SETBP1: variants seen among roughly 807,000 people sequenced by gnomAD.
SETBP1 encodes the protein SET binding protein 1.
SETBP1 carries 9 observed loss-of-function variants against 101.0 expected under a neutral mutation model. The observed-to-expected ratio is 0.09, with a 90% CI of 0.05 to 0.16. SETBP1 has a LOEUF of 0.16. Among genes scored for constraint, SETBP1 ranks in the 10% least tolerant of loss-of-function variants. SETBP1 has a pLI of 1.00. For missense variants in SETBP1, 1,858 were observed against 2,033.8 expected (o/e 0.91, Z 1.66); for synonymous variants, 818 against 788.5 (o/e 1.04, Z -0.63).
intron 2 of SETBP1, among the ~76,000 whole-genome samples, chr18:44,835,793 C>A (rs1246084271): frequency 6.6e-6 from 1 of 152,232 alleles, no homozygotes; most frequent in East Asian, 1.9e-4. Context: ...GCAACCTGTT[C>A]TCTGTACCTA....
chr18:44,756,326 T>G (rs950287910), intron 2 of SETBP1, among the ~76,000 whole-genome samples: 1 of 152,212 alleles, frequency 6.6e-6, no homozygotes, highest in Non-Finnish European at 1.5e-5. Context: ...ATGTGAGAAG[T>G]GCTATGCGGT....
intron 3 of SETBP1, among the ~76,000 whole-genome samples, chr18:44,931,168 C>T (rs1599338228): frequency 6.6e-6 from 1 of 152,310 alleles, no homozygotes; most frequent in Admixed American, 6.5e-5. Flanking sequence ...CAAAGAACAT[C>T]TTTATTTCTG....
Position 45,063,124 on chromosome 18 carries a change from C to A in SETBP1, c.4217C>A (p.Ala1406Asp), listed in dbSNP as rs1289886869. 4.3e-6 allele frequency: 7 copies of A among 1,613,898 alleles called. No homozygotes were observed. The South Asian group carries it at 7.7e-5, about 18-fold the overall frequency. Residue 1406 changes from alanine (A) to aspartate (D), a missense_variant, in exon 6 of 6, where the codon GCC becomes GAC. This residue lies in a region of SETBP1 where 417 missense variants were observed against 389.1 expected (regional missense o/e 1.07). Coordinates refer to ENST00000649279, the MANE Select transcript of SETBP1 (RefSeq NM_015559.3). The stretch of plus-strand genomic sequence containing the variant: ...AGGTTCAAGCGGCGGGAGATCGAAG[C>A]CATCCAGTGCGAAGTGCGGAAGATG... Reference protein sequence around the residue: ...KKRFKRREIEAIQCEVRKMCN... With the variant: ...KKRFKRREIEDIQCEVRKMCN...
At chr18:44,727,389 A>G (rs1389668325) in intron 2 of SETBP1, among the ~76,000 whole-genome samples, 2 of 152,140 alleles carry the variant, frequency 1.3e-5, no homozygotes, top group Admixed American at 6.5e-5. Context: ...CTGAATGCCT[A>G]TCTTCCTGTG....
intron 2 of SETBP1, among the ~76,000 whole-genome samples, chr18:44,729,412 GA>G (rs2069786229): frequency 6.6e-6 from 1 of 152,202 alleles, no homozygotes; most frequent in South Asian, 2.1e-4. Context: ...CATCAGAAGG[GA>G]ATTGATATAA....
At chr18:44,869,453 C>G in intron 3 of SETBP1, 170 bp downstream of exon 3, 1 of 695,842 alleles carries the variant, frequency 1.4e-6, no homozygotes, top group Admixed American at 2.0e-5. Context: ...TCCAGCTCCT[C>G]TCATTCTAGC....
intron 4 of SETBP1, among the ~76,000 whole-genome samples, chr18:44,982,845 T>C (rs1214194488): frequency 6.6e-6 from 1 of 152,226 alleles, no homozygotes; most frequent in Non-Finnish European, 1.5e-5. Context: ...GTTTCAGTAC[T>C]AGTTTGCTCT....
intron 5 of SETBP1, among the ~76,000 whole-genome samples, chr18:45,054,810 T>C (rs116311371): frequency 2.9e-4 from 44 of 152,284 alleles, no homozygotes; most frequent in African/African-American, 1.1e-3. Context: ...GTCTAACCCG[T>C]GGGCCCATGA....
chr18:44,689,367 G>A lies in SETBP1; in HGVS notation c.-173+8346G>A, dbSNP rs528703789. On this transcript the variant is annotated intron_variant, in intron 1 of 5. Transcript: ENST00000649279. Reference sequence around the variant, plus strand: ...CCCATAGCAGACACCTTTGTGGTCCGAGGTCTTCTGTCCACAGTGAGAAGG... The same window carrying A: ...CCCATAGCAGACACCTTTGTGGTCCAAGGTCTTCTGTCCACAGTGAGAAGG... Among the ~76,000 whole-genome samples, 116 of 152,318 alleles carry A rather than the reference G, an allele frequency of 7.6e-4. 1 individual carries two copies. The highest frequency in any genetic ancestry group is 2.7e-3 in the African/African-American group (111 of 41,566).
chr18:44,845,521 T>G (rs918051947), intron 2 of SETBP1, among the ~76,000 whole-genome samples: 2 of 152,232 alleles, frequency 1.3e-5, no homozygotes, highest in African/African-American at 4.8e-5. Context: ...ATTAATTTCC[T>G]TGTTGGTTTG....
chr18:45,032,979 G>A (rs538245395), intron 4 of SETBP1, among the ~76,000 whole-genome samples: 2 of 152,190 alleles, frequency 1.3e-5, no homozygotes, highest in South Asian at 2.1e-4. Context: ...TTTGACCAGT[G>A]CCATATTTAA....
chr18:44,973,338 C>CT (rs987972336), intron 4 of SETBP1, among the ~76,000 whole-genome samples: 44 of 152,126 alleles, frequency 2.9e-4, no homozygotes, highest in South Asian at 6.2e-4. Flanking sequence ...CTAAAATTCT[C>CT]TTTTTTTTGT....
At chr18:44,957,759 G>A (rs576564653) in intron 4 of SETBP1, among the ~76,000 whole-genome samples, 17 of 152,278 alleles carry the variant, frequency 1.1e-4, no homozygotes, top group African/African-American at 4.1e-4. Context: ...TAGCCACGTG[G>A]ATGAAATGTC....
At chr18:44,857,932 A>T (rs915678636) in intron 2 of SETBP1, among the ~76,000 whole-genome samples, 1 of 152,182 alleles carries the variant, frequency 6.6e-6, no homozygotes, top group East Asian at 1.9e-4. Flanking sequence ...AATCATGGAG[A>T]TTATTTTTAG....
chr18:44,969,830 T>G (rs756473943), intron 4 of SETBP1, among the ~76,000 whole-genome samples: 11 of 152,182 alleles, frequency 7.2e-5, no homozygotes, highest in Non-Finnish European at 1.3e-4. Context: ...TGTGTATAGC[T>G]GACCTCCTCA....
At position 44,831,914 on chromosome 18, in the gene SETBP1, G is replaced by T. The variant is rs16978187; in HGVS notation, c.487-37316G>T. 4.9e-3 allele frequency among the ~76,000 whole-genome samples: 747 copies of T among 152,272 alleles called. 6 individuals are homozygous for T. Among genetic ancestry groups the T allele is most frequent in the African/African-American group, 0.017 (694 of 41,548 alleles). ...CCTTGACCTTCTGTGGGACTGAGTT[G>T]TGTTTATCCTGCTGTGTTTTCACTC... On this transcript the variant is annotated intron_variant, in intron 2 of 5. Coordinates refer to ENST00000649279, the MANE Select transcript of SETBP1 (RefSeq NM_015559.3).
chr18:44,862,119 G>A (rs578104734), intron 2 of SETBP1, among the ~76,000 whole-genome samples: 1 of 152,082 alleles, frequency 6.6e-6, no homozygotes, highest in Non-Finnish European at 1.5e-5. Context: ...TAAGAGTATG[G>A]GTTGTATGTG....
chr18:44,922,268 A>G (rs1434778548), intron 3 of SETBP1, among the ~76,000 whole-genome samples: 1 of 152,230 alleles, frequency 6.6e-6, no homozygotes, highest in Non-Finnish European at 1.5e-5. Context: ...CTCATTTTAT[A>G]TATAGGCAAA....
chr18:45,060,819 G>A (rs2073879171), intron 5 of SETBP1, among the ~76,000 whole-genome samples: 1 of 152,068 alleles, frequency 6.6e-6, no homozygotes, highest in African/African-American at 2.4e-5. Flanking sequence ...ATTTTAAAAA[G>A]ACAACACATA....
Sources: gnomAD v4.1 joint callset for allele counts (sites outside exome capture counted in the v4.1 genomes callset) on GRCh38, gnomAD v4.1.1 for gene constraint, gnomAD v4.1.1 regional missense constraint, MANE v1.5 for transcripts, NCBI Gene and HGNC (gene_info 2026-07-23, HGNC 2026-07-21) for gene names.